Variants in KCTD16 observed in about 807,000 individuals in gnomAD.
KCTD16 encodes potassium channel tetramerization domain containing 16.
KCTD16 carries 13 observed loss-of-function variants against 33.2 expected under a neutral mutation model. The observed-to-expected ratio is 0.39, with a 90% confidence interval of 0.25 to 0.62. The LOEUF is 0.62. Ranked by LOEUF, KCTD16 falls within the 20% of genes least tolerant of loss-of-function variation. KCTD16 has a pLI of 0.50. For synonymous variants in KCTD16, 197 were observed against 195.3 expected, an observed-to-expected ratio of 1.01 and a Z score of -0.07; for missense variants, 441 against 525.1, an observed-to-expected ratio of 0.84 and a Z score of 1.57.
At chr5:144,421,355 T>C (rs1441478618) in intron 3 of KCTD16, among the ~76,000 whole-genome samples, 2 of 152,160 alleles carry the variant, frequency 1.3e-5, no homozygotes, top group African/African-American at 4.8e-5. Flanking sequence ...AATTTGTTTT[T>C]GTAGTTGGGC....
intron 3 of KCTD16, among the ~76,000 whole-genome samples, chr5:144,329,864 A>C (rs191002235): frequency 3.3e-5 from 5 of 152,292 alleles, no homozygotes; most frequent in African/African-American, 1.2e-4. Context: ...TGTTTTAGAC[A>C]TGAAGGTATT....
chr5:144,274,455 A>G (rs888999), intron 3 of KCTD16, among the ~76,000 whole-genome samples: 50,714 of 152,076 alleles, frequency 0.33, 9,098 homozygotes, highest in African/African-American at 0.46. Flanking sequence ...AGAAGGCAGA[A>G]GAAATAAGAT....
At chr5:144,347,287 G>T (rs930386894) in intron 3 of KCTD16, among the ~76,000 whole-genome samples, 3 of 152,124 alleles carry the variant, frequency 2.0e-5, no homozygotes, top group African/African-American at 7.2e-5. Flanking sequence ...AGGAGAGGCA[G>T]ACTTTAAAGA....
chr5:144,196,673 A>G (rs1040199521), intron 2 of KCTD16, among the ~76,000 whole-genome samples: 6 of 152,220 alleles, frequency 3.9e-5, no homozygotes, highest in Non-Finnish European at 7.3e-5. Flanking sequence ...TATCAGATAC[A>G]TAAATCTTTT....
At position 144,207,086 on chromosome 5, in the gene KCTD16, C is replaced by G. The variant is rs201451163; in HGVS notation, c.372C>G (p.Pro124=). ...CAGACTTGGTCAAACTCCTGACCCC[C>G]GATGAAATCAAGCAAAGCCCAGATG... ...QLPDLVKLLT[P]DEIKQSPDEF... The change falls in exon 3 of 4, where the codon CCC becomes CCG. Residue 124 remains proline (P), a synonymous_variant. Transcript: ENST00000512467. The G allele has an allele frequency of 1.2e-6, 2 of 1,611,442 alleles. No homozygotes were observed. The highest frequency in any genetic ancestry group is 8.5e-7 in the Non-Finnish European group (1 of 1,178,956).
chr5:144,351,266 G>A (rs73303914), intron 3 of KCTD16, among the ~76,000 whole-genome samples: 2,294 of 152,188 alleles, frequency 0.015, 61 homozygotes, highest in African/African-American at 0.053. Context: ...ACTTGATTCT[G>A]TAGGTAATAA....
At chr5:144,449,227 A>T (rs1022665665) in intron 3 of KCTD16, among the ~76,000 whole-genome samples, 1 of 152,024 alleles carries the variant, frequency 6.6e-6, no homozygotes, top group African/African-American at 2.4e-5. Flanking sequence ...TACACTAAAA[A>T]CCAGAAAACG....
intron 3 of KCTD16, among the ~76,000 whole-genome samples, chr5:144,414,683 G>A (rs1396038951): frequency 6.6e-6 from 1 of 152,174 alleles, no homozygotes; most frequent in African/African-American, 2.4e-5. Flanking sequence ...CAATGCAGTA[G>A]ATATTTGTCA....
chr5:144,176,324 A>G (rs1159857391), intron 2 of KCTD16, among the ~76,000 whole-genome samples: 2 of 152,170 alleles, frequency 1.3e-5, no homozygotes, highest in African/African-American at 4.8e-5. Context: ...GCAAAGAAAG[A>G]AAAAGGCAGT....
chr5:144,316,988 C>T (rs901503254), intron 3 of KCTD16, among the ~76,000 whole-genome samples: 3 of 151,776 alleles, frequency 2.0e-5, no homozygotes, highest in African/African-American at 7.3e-5. Flanking sequence ...CCACAACGCC[C>T]AGCTAATTTT....
At chr5:144,319,354 C>T (rs1251845683) in intron 3 of KCTD16, among the ~76,000 whole-genome samples, 1 of 152,172 alleles carries the variant, frequency 6.6e-6, no homozygotes, top group Non-Finnish European at 1.5e-5. Context: ...CTACCAAACC[C>T]ATGCACACAA....
rs1561558792 is a variant in KCTD16, at chr5:144,299,141, TA to T, written c.832+91596del. Among the ~76,000 whole-genome samples, 141 of 28,598 alleles carry T rather than the reference TA, an allele frequency of 4.9e-3. 1 individual carries two copies. Among genetic ancestry groups the T allele is most frequent in the Non-Finnish European group, 6.1e-3 (115 of 18,700 alleles). 18.8% of individuals were successfully genotyped at this position (28,598 alleles called of 152,430 possible). A position where few individuals can be genotyped will look rare whatever the true frequency, so the allele number is the denominator to read the frequency against. Reference sequence around the variant, plus strand: ...ATATATATATATATATATATATATATATATATATTTTTTTTTTTTTTTTTAA... The same window carrying T: ...ATATATATATATATATATATATATATTATATATTTTTTTTTTTTTTTTTAA... On this transcript the variant is annotated intron_variant, in intron 3 of 3. Transcript: ENST00000512467.
intron 2 of KCTD16, among the ~76,000 whole-genome samples, chr5:144,183,919 A>G (rs1752674773): frequency 6.6e-6 from 1 of 152,182 alleles, no homozygotes; most frequent in Non-Finnish European, 1.5e-5. Context: ...ACTTGATTCT[A>G]CTTTACTTCG....
At chr5:144,332,475 CAG>C (rs1228573126) in intron 3 of KCTD16, among the ~76,000 whole-genome samples, 1 of 152,126 alleles carries the variant, frequency 6.6e-6, no homozygotes, top group East Asian at 1.9e-4. Flanking sequence ...CTGACAGTAG[CAG>C]AGAGGGTTGT....
chr5:144,370,039 G>A (rs147801474), intron 3 of KCTD16, among the ~76,000 whole-genome samples: 62 of 152,226 alleles, frequency 4.1e-4, no homozygotes, highest in African/African-American at 1.4e-3. Context: ...AGTAACATAT[G>A]GGGGTACAAA....
At chr5:144,286,480 T>A (rs1185619935) in intron 3 of KCTD16, among the ~76,000 whole-genome samples, 2 of 152,206 alleles carry the variant, frequency 1.3e-5, no homozygotes, top group African/African-American at 4.8e-5. Context: ...AAGCCTTAAA[T>A]TGAGCTGCAC....
At chr5:144,223,869 T>C (rs575510369) in intron 3 of KCTD16, among the ~76,000 whole-genome samples, 8 of 152,198 alleles carry the variant, frequency 5.3e-5, no homozygotes, top group African/African-American at 1.9e-4. Context: ...AAGGTGTTCC[T>C]CCTTGTTCCC....
intron 3 of KCTD16, among the ~76,000 whole-genome samples, chr5:144,259,103 A>G (rs1341525501): frequency 3.9e-5 from 6 of 151,910 alleles, no homozygotes; most frequent in African/African-American, 1.5e-4. Flanking sequence ...CTAAAAATAC[A>G]AAAAATTAGC....
intron 3 of KCTD16, among the ~76,000 whole-genome samples, chr5:144,267,532 T>G (rs374720844): frequency 2.6e-5 from 4 of 152,176 alleles, no homozygotes; most frequent in African/African-American, 9.6e-5. Context: ...AATAAATGAA[T>G]CAGTGCTTCC....
Sources: allele counts gnomAD v4.1 joint callset (sites outside exome capture counted in the v4.1 genomes callset), GRCh38; gene constraint gnomAD v4.1.1; transcripts MANE v1.5; gene names NCBI Gene and HGNC (gene_info 2026-07-23, HGNC 2026-07-21).